PAPPA2: variants seen among roughly 807,000 people sequenced by gnomAD.
PAPPA2 encodes the protein pappalysin 2.
PAPPA2 carries 86 observed loss-of-function variants against 176.4 expected under a neutral mutation model. The observed-to-expected ratio is 0.49, with a 90% CI of 0.41 to 0.58. The LOEUF is 0.58. PAPPA2 is among the 20% of genes least tolerant of loss of function. The pLI, the probability that PAPPA2 is intolerant of heterozygous loss-of-function variation, is 0.00. For missense variants in PAPPA2, 2,073 were observed against 2,256.9 expected, an observed-to-expected ratio of 0.92 and a Z score of 1.65; for synonymous variants, 809 against 852.2, an observed-to-expected ratio of 0.95 and a Z score of 0.88.
At chr1:176,641,093 C>T (rs1476735638) in intron 3 of PAPPA2, among the ~76,000 whole-genome samples, 1 of 149,722 alleles carries the variant, frequency 6.7e-6, no homozygotes, top group African/African-American at 2.4e-5. Flanking sequence ...GATATTAGCC[C>T]TTTGTCAGAT....
chr1:176,801,602 C>T (rs745830164), intron 21 of PAPPA2, among the ~76,000 whole-genome samples: 13 of 151,648 alleles, frequency 8.6e-5, no homozygotes, highest in South Asian at 2.1e-4. Context: ...GGTGGGGACG[C>T]GGGAGAGAGA....
chr1:176,781,365 CTTTTTTTTTTTTTTTTT>C (rs35029858), intron 17 of PAPPA2, among the ~76,000 whole-genome samples: 156 of 46,252 alleles, frequency 3.4e-3, no homozygotes, highest in South Asian at 0.022. Context: ...TTGTAAGGGG[CTTTTTTTTTTTTTTTTT>C]TTTTTTTTTT....
intron 12 of PAPPA2, among the ~76,000 whole-genome samples, chr1:176,738,263 G>C (rs190604148): frequency 1.5e-4 from 23 of 152,170 alleles, no homozygotes; most frequent in East Asian, 7.7e-4. Flanking sequence ...AAATAAAAAG[G>C]GGGGGAAAGA....
rs540731865 is a variant in PAPPA2, at chr1:176,681,986, G to A, written c.2138-8151G>A. On this transcript the variant is annotated intron_variant, in intron 4 of 22. Transcript: ENST00000367662. ...AGAAGGCAAAGCAGCAGCAGTATAG[G>A]TGGCAGAAACTAGCTTGGAGGTGAG... is the stretch of plus-strand genomic sequence containing the variant. Among the ~76,000 whole-genome samples, 4 of 152,272 alleles carry A rather than the reference G, an allele frequency of 2.6e-5. 1 individual carries two copies. The highest frequency in any genetic ancestry group is 1.3e-4 in the Admixed American group (2 of 15,286).
At chr1:176,546,558 C>G (rs1351510716) in intron 1 of PAPPA2, among the ~76,000 whole-genome samples, 1 of 152,092 alleles carries the variant, frequency 6.6e-6, no homozygotes, top group Non-Finnish European at 1.5e-5. Flanking sequence ...AATAAAATTG[C>G]ACATTTATAT....
rs151168528 is a variant in PAPPA2 at position 176,562,492 on chromosome 1, C to T, written c.919+5251C>T. ...TCCTGAAGATGAGGTTTGCATGGCCCTCTCCTCAGTTGCTTCTTCCTATAT... is the reference window on the plus strand; with the variant it reads ...TCCTGAAGATGAGGTTTGCATGGCCTTCTCCTCAGTTGCTTCTTCCTATAT... On this transcript the variant is annotated intron_variant, in intron 2 of 22. Coordinates refer to ENST00000367662, the MANE Select transcript of PAPPA2 (RefSeq NM_020318.3). 1.1e-4 allele frequency among the ~76,000 whole-genome samples: 17 copies of T among 152,310 alleles called. No homozygotes were observed. The East Asian group carries it at 3.3e-3, about 29-fold the overall frequency.
At chr1:176,714,427 C>T (rs1482837248) in intron 12 of PAPPA2, among the ~76,000 whole-genome samples, 2 of 151,784 alleles carry the variant, frequency 1.3e-5, no homozygotes, top group East Asian at 3.9e-4. Flanking sequence ...AAAAGGATAC[C>T]TTGAGGATAA....
At chr1:176,756,115 C>T (rs1034204231) in intron 14 of PAPPA2, among the ~76,000 whole-genome samples, 3 of 152,090 alleles carry the variant, frequency 2.0e-5, no homozygotes, top group Non-Finnish European at 4.4e-5. Flanking sequence ...TGTGCCATCA[C>T]GCCCAGCTAA....
intron 4 of PAPPA2, among the ~76,000 whole-genome samples, chr1:176,676,708 A>G (rs1025968361): frequency 1.6e-4 from 24 of 150,636 alleles, no homozygotes; most frequent in Non-Finnish European, 3.4e-4. Context: ...ACAAATGTAT[A>G]TATGTGATAA....
At chr1:176,721,236 T>C (rs1234178082) in intron 12 of PAPPA2, among the ~76,000 whole-genome samples, 1 of 152,242 alleles carries the variant, frequency 6.6e-6, no homozygotes, top group African/African-American at 2.4e-5. Context: ...TTCTAACTTG[T>C]TGAGAGTCTG....
At chr1:176,643,421 T>C (rs1205201759) in intron 3 of PAPPA2, among the ~76,000 whole-genome samples, 18 of 145,776 alleles carry the variant, frequency 1.2e-4, no homozygotes, top group Admixed American at 1.2e-3. Context: ...CTTCTTCTGT[T>C]TTTTTTTTTT....
intron 3 of PAPPA2, among the ~76,000 whole-genome samples, chr1:176,648,923 G>C (rs1401929098): frequency 2.0e-5 from 3 of 151,444 alleles, no homozygotes; most frequent in Admixed American, 2.0e-4. Context: ...GTCTGGTTTT[G>C]ATGTTGGGTA....
chr1:176,696,783 A>T (rs1205441045), intron 7 of PAPPA2, among the ~76,000 whole-genome samples: 1 of 152,210 alleles, frequency 6.6e-6, no homozygotes, highest in Non-Finnish European at 1.5e-5. Context: ...TATTTGAATT[A>T]ATCTGCAGTC....
intron 4 of PAPPA2, among the ~76,000 whole-genome samples, chr1:176,687,690 T>C (rs1329251861): frequency 6.6e-6 from 1 of 152,218 alleles, no homozygotes; most frequent in Non-Finnish European, 1.5e-5. Flanking sequence ...GTGGGGATAT[T>C]TGATGTTTGC....
intron 3 of PAPPA2, among the ~76,000 whole-genome samples, chr1:176,598,155 A>G (rs180826775): frequency 2.6e-4 from 40 of 152,350 alleles, no homozygotes; most frequent in African/African-American, 2.4e-5. Flanking sequence ...TAAAATATCA[A>G]ATTATACCAA....
At chr1:176,645,900 G>T (rs1245681525) in intron 3 of PAPPA2, among the ~76,000 whole-genome samples, 1 of 151,576 alleles carries the variant, frequency 6.6e-6, no homozygotes, top group Admixed American at 6.6e-5. Context: ...TTTGAGAAAG[G>T]TTTATTCCGG....
chr1:176,791,257 G>A, intron 18 of PAPPA2, 90 bp from the exon 19 acceptor site: 1 of 1,011,532 alleles, frequency 9.9e-7, no homozygotes, highest in Non-Finnish European at 1.3e-6. Context: ...TCTAGAACTG[G>A]AGAATACTAC....
chr1:176,768,595 A>G (rs1224004086), intron 15 of PAPPA2, among the ~76,000 whole-genome samples: 1 of 151,664 alleles, frequency 6.6e-6, no homozygotes, highest in Non-Finnish European at 1.5e-5. Context: ...TCTCCTTTCT[A>G]TTCTTCCTCC....
At chr1:176,533,317 G>T (rs1333262543) in intron 1 of PAPPA2, among the ~76,000 whole-genome samples, 1 of 152,200 alleles carries the variant, frequency 6.6e-6, no homozygotes, top group African/African-American at 2.4e-5. Flanking sequence ...ACATGGTTCT[G>T]CTTGAAATAT....
Sources: gnomAD v4.1 joint callset for allele counts (sites outside exome capture counted in the v4.1 genomes callset) on GRCh38, gnomAD v4.1.1 for gene constraint, MANE v1.5 for transcripts, NCBI Gene and HGNC (gene_info 2026-07-23, HGNC 2026-07-21) for gene names.